TENM3: variants seen among roughly 807,000 people sequenced by gnomAD.
TENM3 encodes the protein teneurin transmembrane protein 3.
A neutral mutation model predicts 255.1 loss-of-function variants in TENM3; 63 were observed. That is an observed-to-expected ratio of 0.25 (90% CI 0.20 to 0.30). The LOEUF (loss-of-function observed/expected upper bound fraction) is 0.30, where lower values mean the gene tolerates loss of function less well. Ranked by LOEUF, TENM3 falls within the 10% of genes least tolerant of loss-of-function variation. The pLI is 1.00. For synonymous variants in TENM3, 1,306 were observed against 1,322.3 expected (o/e 0.99, Z 0.27); for missense variants, 2,929 against 3,461.1 (o/e 0.85, Z 3.86).
rs377429153 is a variant in TENM3 at position 182,729,115 on chromosome 4, G to A, written c.2519G>A (p.Arg840Gln). The A allele has an allele frequency of 3.7e-5, 59 of 1,613,806 alleles. No individual in the cohort carries two copies. Among genetic ancestry groups the A allele is most frequent in the Non-Finnish European group, 4.4e-5 (52 of 1,179,888 alleles). ...SQQAAKSFYD[R>Q]ISFLIGSDST... is the part of the protein sequence containing the mutation. ...CAAGCTGCCAAATCCTTTTATGATC[G>A]AATCAGTTTCCTTATAGGATCTGAT... The change falls in exon 14 of 28, where the codon CGA becomes CAA. Residue 840 changes from arginine (R) to glutamine (Q), a missense_variant. Arg to Gln is a conservative substitution (Grantham distance 43). Transcript: ENST00000511685.
intron 1 of TENM3, among the ~76,000 whole-genome samples, chr4:182,280,376 A>G (rs1292061921): frequency 6.6e-6 from 1 of 152,214 alleles, no homozygotes; most frequent in African/African-American, 2.4e-5. Flanking sequence ...ACTGCTTCCA[A>G]CCAGTCCATC....
chr4:182,359,540 G>C (rs1052208409), intron 3 of TENM3, among the ~76,000 whole-genome samples: 11 of 150,486 alleles, frequency 7.3e-5, no homozygotes, highest in African/African-American at 2.7e-4. Flanking sequence ...ATGGTAGTTT[G>C]TATTTCTGTG....
At chr4:181,542,761 T>C in the TENM3 span, among the ~76,000 whole-genome samples, 1 of 152,214 alleles carries the variant, frequency 6.6e-6, no homozygotes, top group Admixed American at 6.5e-5. Flanking sequence ...GACTCCAGCC[T>C]TTGATGTCCA....
chr4:181,478,581 C>A, the TENM3 span, among the ~76,000 whole-genome samples: 8 of 152,268 alleles, frequency 5.3e-5, no homozygotes, highest in African/African-American at 1.9e-4. Context: ...ATACACCGGC[C>A]ATTTTCAATC....
chr4:181,937,843 T>TA, the TENM3 span, among the ~76,000 whole-genome samples: 13 of 152,312 alleles, frequency 8.5e-5, no homozygotes, highest in Admixed American at 7.8e-4. Context: ...TGGAAAGTTT[T>TA]AAAAGTCTCT....
intron 3 of TENM3, among the ~76,000 whole-genome samples, chr4:182,435,447 C>A (rs1046519580): frequency 9.2e-5 from 14 of 152,060 alleles, no homozygotes; most frequent in African/African-American, 3.4e-4. Context: ...AACAAGCCAA[C>A]AAGAAAAAAG....
At chr4:181,529,351 G>A in the TENM3 span, among the ~76,000 whole-genome samples, 3 of 152,190 alleles carry the variant, frequency 2.0e-5, no homozygotes, top group African/African-American at 4.8e-5. Context: ...GCTCTTGGGC[G>A]ATGACAGTGT....
chr4:182,368,981 C>T (rs1050690717), intron 3 of TENM3, among the ~76,000 whole-genome samples: 1 of 152,182 alleles, frequency 6.6e-6, no homozygotes, highest in African/African-American at 2.4e-5. Flanking sequence ...ATTCAAACAT[C>T]GTTCCCTCAT....
chr4:182,473,597 A>ATAGT (rs1268127677), intron 3 of TENM3, among the ~76,000 whole-genome samples: 1 of 151,972 alleles, frequency 6.6e-6, no homozygotes, highest in Admixed American at 6.6e-5. Context: ...GGCGTGAACT[A>ATAGT]GGGAGGCGGA....
intron 1 of TENM3, among the ~76,000 whole-genome samples, chr4:182,157,083 A>C (rs995637800): frequency 2.0e-5 from 3 of 152,202 alleles, no homozygotes; most frequent in African/African-American, 7.2e-5. Flanking sequence ...TAATGGTTCT[A>C]GCATCCACCC....
At chr4:182,674,239 A>G (rs1755475384) in intron 7 of TENM3, among the ~76,000 whole-genome samples, 1 of 152,148 alleles carries the variant, frequency 6.6e-6, no homozygotes, top group Non-Finnish European at 1.5e-5. Context: ...TAATTTTGTG[A>G]GAAATATTTT....
the TENM3 span, among the ~76,000 whole-genome samples, chr4:181,861,502 G>A: frequency 6.6e-6 from 1 of 152,048 alleles, no homozygotes; most frequent in Admixed American, 6.5e-5. Flanking sequence ...CTTCAAGCAG[G>A]GCTAGAACTT....
At chr4:182,010,892 T>C in the TENM3 span, among the ~76,000 whole-genome samples, 107,118 of 151,920 alleles carry the variant, frequency 0.71, 38,431 homozygotes, top group Non-Finnish European at 0.77. Flanking sequence ...ATGCATTCTA[T>C]GCCATCAGCA....
chr4:182,680,354 G>A lies in TENM3; in HGVS notation c.1639+5G>A. 1.9e-6 allele frequency: 3 copies of A among 1,579,820 alleles called. No individual in the cohort carries two copies. Among genetic ancestry groups the A allele is most frequent in the Non-Finnish European group, 2.6e-6 (3 of 1,154,970 alleles). On this transcript the variant is annotated splice_donor_5th_base_variant and intron_variant, in intron 9 of 27. Coordinates refer to ENST00000511685, the MANE Select transcript of TENM3 (RefSeq NM_001080477.4). ...TGGGTCCGGATTGTTCAAGAGGTATGCAAGTTAGATTCTTCTCTTAAGCCG... is the reference window on the plus strand; with the variant it reads ...TGGGTCCGGATTGTTCAAGAGGTATACAAGTTAGATTCTTCTCTTAAGCCG...
chr4:181,734,501 A>T, the TENM3 span, among the ~76,000 whole-genome samples: 1 of 152,114 alleles, frequency 6.6e-6, no homozygotes, highest in Non-Finnish European at 1.5e-5. Flanking sequence ...GTTTGGCATT[A>T]AACATATATA....
intron 2 of TENM3, among the ~76,000 whole-genome samples, chr4:182,345,161 G>A (rs1398229789): frequency 1.3e-5 from 2 of 152,136 alleles, no homozygotes; most frequent in African/African-American, 2.4e-5. Context: ...GTCTGACCGA[G>A]ATAAAGCTGA....
chr4:181,719,905 C>T, the TENM3 span, among the ~76,000 whole-genome samples: 2 of 152,148 alleles, frequency 1.3e-5, no homozygotes, highest in South Asian at 2.1e-4. Flanking sequence ...TCCTTGGATT[C>T]GTATTTGGTA....
At chr4:182,676,856 A>T (rs1045922538) in intron 7 of TENM3, among the ~76,000 whole-genome samples, 1 of 152,200 alleles carries the variant, frequency 6.6e-6, no homozygotes, top group Non-Finnish European at 1.5e-5. Context: ...GAGCTTTCAC[A>T]CTAAAATTAT....
intron 3 of TENM3, among the ~76,000 whole-genome samples, chr4:182,506,229 G>A (rs141169607): frequency 3.3e-5 from 5 of 152,122 alleles, no homozygotes; most frequent in Non-Finnish European, 7.4e-5. Context: ...AAGCCCCTTT[G>A]ATTGTTTTTG....
Sources: gnomAD v4.1 joint callset for allele counts (sites outside exome capture counted in the v4.1 genomes callset) on GRCh38, gnomAD v4.1.1 for gene constraint, MANE v1.5 for transcripts, NCBI Gene and HGNC (gene_info 2026-07-23, HGNC 2026-07-21) for gene names.